The following NELL1 variants were observed in gnomAD, a reference collection of about 807,000 sequenced individuals.
The protein encoded by NELL1 is neural EGFL like 1, also known as protein kinase C-binding protein NELL1.
Under a neutral mutation model 107.4 loss-of-function variants are expected in NELL1, and 76 were observed. The ratio of observed to expected loss-of-function variants is 0.71; its 90% CI spans 0.59 to 0.86. NELL1 has a LOEUF of 0.86. NELL1 is among the 40% of genes least tolerant of loss of function. The pLI is 0.00. For synonymous variants in NELL1, 353 were observed against 341.2 expected (o/e 1.03, Z -0.38); for missense variants, 1,024 against 1,005.5 (o/e 1.02, Z -0.25).
intron 14 of NELL1, among the ~76,000 whole-genome samples, chr11:21,298,280 A>G (rs1032446539): frequency 1.3e-5 from 2 of 152,016 alleles, no homozygotes; most frequent in East Asian, 3.9e-4. Context: ...GTAGCTCTGC[A>G]AACCTTTTCT....
chr11:21,271,535 T>C (rs1453721152), intron 14 of NELL1, among the ~76,000 whole-genome samples: 1 of 152,180 alleles, frequency 6.6e-6, no homozygotes, highest in Non-Finnish European at 1.5e-5. Flanking sequence ...ACTGGTGAAT[T>C]CTACCAAACA....
chr11:20,890,403 G>C (rs1348838896), intron 5 of NELL1, among the ~76,000 whole-genome samples: 1 of 152,092 alleles, frequency 6.6e-6, no homozygotes. Context: ...ACGAAGATGA[G>C]AAAGAATCAA....
chr11:21,100,170 C>G (rs934467413), intron 12 of NELL1, among the ~76,000 whole-genome samples: 1 of 151,984 alleles, frequency 6.6e-6, no homozygotes, highest in Non-Finnish European at 1.5e-5. Flanking sequence ...ACATGCAGCA[C>G]CACGCCTGGA....
intron 12 of NELL1, among the ~76,000 whole-genome samples, chr11:20,991,991 C>T (rs9299956): frequency 0.011 from 1,231 of 110,052 alleles, 19 homozygotes; most frequent in African/African-American, 0.027. Context: ...GTGTAGCATG[C>T]AAAAAAAAAA....
At position 20,744,805 on chromosome 11, in the gene NELL1, T is replaced by C. The variant is rs1055760618; in HGVS notation, c.185-38875T>C. ...TAATATGTTCTGTCCACAGTGGGAGTAGGGAGGGAATATATTTGCTGAATG... is the reference window on the plus strand; with the variant it reads ...TAATATGTTCTGTCCACAGTGGGAGCAGGGAGGGAATATATTTGCTGAATG... On this transcript the variant is annotated intron_variant, in intron 2 of 19. Coordinates refer to ENST00000357134, the MANE Select transcript of NELL1 (RefSeq NM_006157.5). Among the ~76,000 whole-genome samples the C allele has an allele frequency of 1.6e-4, 25 of 151,978 alleles. 1 individual carries two copies. The highest frequency in any genetic ancestry group is 1.6e-3 in the Admixed American group (24 of 15,242).
rs141874082 is a variant in NELL1, at chr11:21,183,202, C to T, written c.1427-46130C>T. Among the ~76,000 whole-genome samples, 68 of 151,898 alleles carry T rather than the reference C, an allele frequency of 4.5e-4. 1 individual carries two copies. Among genetic ancestry groups the T allele is most frequent in the East Asian group, 4.1e-3 (21 of 5,180 alleles). ...TACCTCAGTATAATATAATCTTATA[C>T]GTTTTTTATGAACATGATCTGTCTC... On this transcript the variant is annotated intron_variant, in intron 13 of 19. Coordinates refer to ENST00000357134, the MANE Select transcript of NELL1 (RefSeq NM_006157.5).
At chr11:21,340,620 T>TACACACAC (rs71034506) in intron 14 of NELL1, among the ~76,000 whole-genome samples, 4,726 of 141,696 alleles carry the variant, frequency 0.033, 131 homozygotes, top group Admixed American at 0.09. Flanking sequence ...TATGACGGGT[T>TACACACAC]ACACACACAC....
At chr11:21,385,853 C>A (rs1331073983) in intron 15 of NELL1, among the ~76,000 whole-genome samples, 1 of 151,806 alleles carries the variant, frequency 6.6e-6, no homozygotes, top group Non-Finnish European at 1.5e-5. Context: ...ATCAAAGCAA[C>A]AATCTGCCTC....
At chr11:21,012,607 G>A (rs1225772829) in intron 12 of NELL1, among the ~76,000 whole-genome samples, 2 of 152,126 alleles carry the variant, frequency 1.3e-5, no homozygotes, top group Non-Finnish European at 2.9e-5. Context: ...AATGAGGCTG[G>A]AGTTTTATTA....
At chr11:20,971,967 T>G (rs1443358554) in intron 12 of NELL1, among the ~76,000 whole-genome samples, 1 of 149,726 alleles carries the variant, frequency 6.7e-6, no homozygotes, top group Non-Finnish European at 1.5e-5. Flanking sequence ...TAAGTGGGAG[T>G]TGAACAATGA....
At chr11:20,788,669 G>C (rs909768858) in intron 3 of NELL1, among the ~76,000 whole-genome samples, 1 of 151,038 alleles carries the variant, frequency 6.6e-6, no homozygotes, top group African/African-American at 2.4e-5. Context: ...TGTCCTTTAA[G>C]CACAAAGGTT....
At chr11:20,877,495 C>A (rs983055296) in intron 4 of NELL1, among the ~76,000 whole-genome samples, 1 of 152,208 alleles carries the variant, frequency 6.6e-6, no homozygotes, top group African/African-American at 2.4e-5. Flanking sequence ...CACCACACTG[C>A]TTTGTGTTTA....
At chr11:20,758,402 T>C (rs886283678) in intron 2 of NELL1, among the ~76,000 whole-genome samples, 6 of 152,198 alleles carry the variant, frequency 3.9e-5, no homozygotes, top group African/African-American at 1.4e-4. Flanking sequence ...AAACCACTTT[T>C]CTCATCTTCC....
At chr11:20,892,235 GA>G (rs1424098033) in intron 5 of NELL1, among the ~76,000 whole-genome samples, 2 of 152,144 alleles carry the variant, frequency 1.3e-5, no homozygotes, top group African/African-American at 4.8e-5. Context: ...ACAATTTCAT[GA>G]AATCTGAACA....
At chr11:21,503,128 G>T (rs1281394162) in intron 15 of NELL1, among the ~76,000 whole-genome samples, 3 of 152,164 alleles carry the variant, frequency 2.0e-5, no homozygotes, top group Non-Finnish European at 4.4e-5. Context: ...TAATCTGCCT[G>T]CCTTGGCCTC....
chr11:21,227,550 A>T lies in NELL1; in HGVS notation c.1427-1782A>T, dbSNP rs899516607. Among the ~76,000 whole-genome samples the T allele has an allele frequency of 2.0e-5, 3 of 152,308 alleles. 1 individual carries two copies. Among genetic ancestry groups the T allele is most frequent in the Non-Finnish European group, 4.4e-5 (3 of 68,028 alleles). On this transcript the variant is annotated intron_variant, in intron 13 of 19. Coordinates refer to ENST00000357134, the MANE Select transcript of NELL1 (RefSeq NM_006157.5). ...TGAAAACTCTTGGAGTATAAGTCTG[A>T]ATCCTTAGACTTTTTTATGTTTCTA...
chr11:21,239,178 A>G (rs1048749500), intron 14 of NELL1, among the ~76,000 whole-genome samples: 19 of 152,166 alleles, frequency 1.2e-4, no homozygotes, highest in African/African-American at 4.6e-4. Context: ...CATCTCTCTT[A>G]GAACCTATGG....
At chr11:21,272,701 A>G (rs886812613) in intron 14 of NELL1, among the ~76,000 whole-genome samples, 2 of 152,190 alleles carry the variant, frequency 1.3e-5, no homozygotes, top group African/African-American at 2.4e-5. Flanking sequence ...CCTCTCACAC[A>G]AAACTTCCAG....
intron 15 of NELL1, among the ~76,000 whole-genome samples, chr11:21,445,146 CTA>C (rs1046479984): frequency 6.6e-6 from 1 of 151,988 alleles, no homozygotes; most frequent in African/African-American, 2.4e-5. Context: ...AAAAACTGTT[CTA>C]GTTATTATTT....
Sources: gnomAD v4.1 joint callset for allele counts (sites outside exome capture counted in the v4.1 genomes callset) on GRCh38, gnomAD v4.1.1 for gene constraint, MANE v1.5 for transcripts, NCBI Gene and HGNC (gene_info 2026-07-23, HGNC 2026-07-21) for gene names.